Variants in GABARAP observed in about 807,000 individuals in gnomAD.
GABARAP encodes GABA type A receptor-associated protein, also known as gamma-aminobutyric acid receptor-associated protein.
GABARAP carries 5 observed loss-of-function variants against 16.7 expected under a neutral mutation model. The observed-to-expected ratio is 0.30, with a 90% confidence interval of 0.16 to 0.63. GABARAP has a LOEUF of 0.63. GABARAP is among the 20% of genes least tolerant of loss of function. GABARAP has a pLI of 0.82. For missense variants in GABARAP, 84 were observed against 146.6 expected (o/e 0.57, Z 2.21); for synonymous variants, 45 against 52.7 (o/e 0.85, Z 0.64).
intron 1 of GABARAP, chr17:7,241,911 AAT>A (rs1455260531): frequency 2.5e-5 from 6 of 238,214 alleles, no homozygotes; most frequent in Admixed American, 1.7e-4. Flanking sequence ...CAACTATCTT[AAT>A]CAGACGGAGG....
chr17:7,241,848 T>A, intron 1 of GABARAP, 169 bp from the exon 2 acceptor site: 1 of 618,666 alleles, frequency 1.6e-6, no homozygotes, highest in South Asian at 1.9e-5. Context: ...CCTCACTGAC[T>A]GGAGCTCATT....
At position 7,241,651 on chromosome 17, in the gene GABARAP, C is replaced by T. The variant is rs764135426; in HGVS notation, c.119G>A (p.Arg40Gln). The T allele has an allele frequency of 6.2e-7, 1 of 1,611,664 alleles. No homozygotes were observed. The highest frequency in any genetic ancestry group is 2.2e-5 in the East Asian group (1 of 44,878). ...PVIVEKAPKARIGDLDKKKYL... is the reference protein window; with the variant it reads ...PVIVEKAPKAQIGDLDKKKYL... ...TTTCTTTTTGTCCAGGTCTCCTATC[C>T]GAGCTTTGGGAGCCTTTTCTACTAT... The change falls in exon 2 of 4, where the codon CGG (arginine) becomes CAG (glutamine). Residue 40 changes from arginine (R) to glutamine (Q), a missense_variant. Physicochemically the swap from Arg to Gln is conservative, Grantham distance 43. Coordinates refer to ENST00000302386, the MANE Select transcript of GABARAP (RefSeq NM_007278.2).
chr17:7,241,264 G>A lies in GABARAP; in HGVS notation c.288+78C>T, dbSNP rs1040365144. On this transcript the variant is annotated intron_variant, in intron 3 of 3. Coordinates refer to ENST00000302386, the MANE Select transcript of GABARAP (RefSeq NM_007278.2). Reference sequence around the variant, plus strand: ...GCCAGGAAGCTAGTCCAAAACTACTGATGTAACAACACTTTCTTCCCCTCA... The same window carrying A: ...GCCAGGAAGCTAGTCCAAAACTACTAATGTAACAACACTTTCTTCCCCTCA... 3.3e-5 allele frequency: 27 copies of A among 816,964 alleles called. No individual in the cohort carries two copies. In the East Asian group the frequency reaches 5.6e-4, roughly 17 times the overall value. 50.6% of individuals were successfully genotyped at this position (816,964 alleles called of 1,614,324 possible).
chr17:7,242,374 A>G lies in GABARAP; in HGVS notation c.-44T>C, dbSNP rs2142997835. Reference sequence around the variant, plus strand: ...GGACAGGGCTGGGCTGAGGGAACCCAGGGGGGCCGGGACGGGGGGCGGCGA... The same window carrying G: ...GGACAGGGCTGGGCTGAGGGAACCCGGGGGGGCCGGGACGGGGGGCGGCGA... On this transcript the variant is annotated 5_prime_UTR_variant, in exon 1 of 4. Transcript: ENST00000302386. The G allele has an allele frequency of 1.6e-6, 2 of 1,274,100 alleles. No individual in the cohort carries two copies. The highest frequency in any genetic ancestry group is 1.1e-6 in the Non-Finnish European group (1 of 904,084). 78.9% of individuals were successfully genotyped at this position (1,274,100 alleles called of 1,614,324 possible). A position where few individuals can be genotyped will look rare whatever the true frequency, so the allele number is the denominator to read the frequency against.
At position 7,240,862 on chromosome 17, in the gene GABARAP, C is replaced by T. The variant is rs761312034; in HGVS notation, c.346G>A (p.Gly116Ser). 2.5e-6 allele frequency: 4 copies of T among 1,609,886 alleles called. No individual in the cohort carries two copies. The highest frequency in any genetic ancestry group is 2.6e-6 in the Non-Finnish European group (3 of 1,176,374). ...YIAYSDESVY[G>S]L The stretch of plus-strand genomic sequence containing the variant: ...GCTCAGGGGCAGCAGCTTCACAGAC[C>T]GTAGACACTTTCGTCACTGTAGGCA... Residue 116 changes from glycine (G) to serine (S), a missense_variant, in exon 4 of 4, where the codon GGT becomes AGT. Physicochemically the swap from Gly to Ser is moderately conservative, Grantham distance 56 (BLOSUM62 0). Transcript: ENST00000302386.
chr17:7,242,441 C>T lies in GABARAP; in HGVS notation c.-111G>A, dbSNP rs576090065. ...CGGGCGGATTCAGCGGAGCGATCCACGAATTTGCGCCACTTCCCTATTCAC... is the reference window on the plus strand; with the variant it reads ...CGGGCGGATTCAGCGGAGCGATCCATGAATTTGCGCCACTTCCCTATTCAC... On this transcript the variant is annotated 5_prime_UTR_variant, in exon 1 of 4. The change creates a new upstream start codon in the 5' untranslated region. Coordinates refer to ENST00000302386, the MANE Select transcript of GABARAP (RefSeq NM_007278.2). 248 of 792,888 alleles carry T rather than the reference C, an allele frequency of 3.1e-4. 1 individual carries two copies. In the African/African-American group the frequency reaches 3.7e-3, roughly 12 times the overall value. The allele number at this position is 792,888 out of a possible 1,614,324, so 49.1% of individuals were successfully genotyped here.
In GABARAP at chr17:7,242,388, G is replaced by C. The variant is rs147634798; in HGVS notation, c.-58C>G. The C allele has an allele frequency of 7.6e-6, 10 of 1,316,066 alleles. No homozygotes were observed. Among genetic ancestry groups the C allele is most frequent in the South Asian group, 1.2e-5 (1 of 83,620 alleles). The allele number at this position is 1,316,066 out of a possible 1,614,324, so 81.5% of individuals were successfully genotyped here. On this transcript the variant is annotated 5_prime_UTR_variant, in exon 1 of 4. Transcript: ENST00000302386. ...TGAGGGAACCCAGGGGGGCCGGGAC[G>C]GGGGGCGGCGACGACGGCGGCGACG...
rs2071786914 is a variant in GABARAP at position 7,242,382 on chromosome 17, C to T, written c.-52G>A. 2 of 1,285,818 alleles carry T rather than the reference C, an allele frequency of 1.6e-6. No individual in the cohort carries two copies. The highest frequency in any genetic ancestry group is 1.1e-6 in the Non-Finnish European group (1 of 905,900). 79.7% of individuals were successfully genotyped at this position (1,285,818 alleles called of 1,614,324 possible). On this transcript the variant is annotated 5_prime_UTR_variant, in exon 1 of 4. Transcript: ENST00000302386. ...CTGGGCTGAGGGAACCCAGGGGGGC[C>T]GGGACGGGGGGCGGCGACGACGGCG...
chr17:7,240,911 A>C lies in GABARAP; in HGVS notation c.297T>G (p.His99Gln). 1 of 1,611,942 alleles carries C rather than the reference A, an allele frequency of 6.2e-7. No individual in the cohort carries two copies. Among genetic ancestry groups the C allele is most frequent in the Non-Finnish European group, 8.5e-7 (1 of 1,178,114 alleles). ...CAATGTAGAGAAAGAAGTCTTCTTC[A>C]TGGTGTTCCTGGGATGAAAGCAGAA... ...ATMGQLYQEHHEEDFFLYIAY... is the reference protein window; with the variant it reads ...ATMGQLYQEHQEEDFFLYIAY... The change falls in exon 4 of 4, where the codon CAT becomes CAG. Residue 99 changes from histidine (H) to glutamine (Q), a missense_variant. By Grantham distance (24) the His-to-Gln change is conservative (BLOSUM62 0). Coordinates refer to ENST00000302386, the MANE Select transcript of GABARAP (RefSeq NM_007278.2).
chr17:7,242,031 G>GT, intron 1 of GABARAP: 1 of 600,426 alleles, frequency 1.7e-6, no homozygotes, highest in East Asian at 2.8e-5. Flanking sequence ...AAATGCTAAG[G>GT]TTTCTCTCTC....
intron 3 of GABARAP, 151 bp downstream of exon 3, chr17:7,241,191 G>GTGT (rs1375408112): frequency 2.8e-6 from 2 of 701,828 alleles, no homozygotes; most frequent in Non-Finnish European, 5.2e-6. Flanking sequence ...TACTCCTACT[G>GTGT]TTCTGTCCAA....
rs1327805734 is a variant in GABARAP at position 7,242,308 on chromosome 17, T to G, written c.23A>C (p.Glu8Ala). ...AGAGCGGCGCTTCTCGAACGGATGC[T>G]CTTCTTTGTACACGAACTTCATCCT... MKFVYKE[E>A]HPFEKRRSEG... The change falls in exon 1 of 4, where the codon GAG (glutamate) becomes GCG (alanine). Residue 8 changes from glutamate to alanine, a missense_variant. Transcript: ENST00000302386. The G allele has an allele frequency of 6.2e-7, 1 of 1,613,716 alleles. No individual in the cohort carries two copies. The highest frequency in any genetic ancestry group is 1.3e-5 in the African/African-American group (1 of 75,052).
At chr17:7,240,966 T>C (rs1422964963) in intron 3 of GABARAP, 47 bp from the exon 4 acceptor site, 1 of 1,266,174 alleles carries the variant, frequency 7.9e-7, no homozygotes, top group Non-Finnish European at 1.2e-6. Flanking sequence ...TCCAGTAACT[T>C]AAACCAACCA....
Position 7,240,844 on chromosome 17 carries a change from G to A in GABARAP, c.*10C>T, listed in dbSNP as rs1285438592. On this transcript the variant is annotated 3_prime_UTR_variant, in exon 4 of 4. Transcript: ENST00000302386. ...GAATGAGACCCCCCTCCAGCTCAGG[G>A]GCAGCAGCTTCACAGACCGTAGACA... 1.9e-6 allele frequency: 3 copies of A among 1,599,130 alleles called. No homozygotes were observed. The Admixed American group carries it at 5.0e-5, about 27-fold the overall frequency.
chr17:7,241,967 C>T (rs1241843400), intron 1 of GABARAP: 10 of 595,686 alleles, frequency 1.7e-5, no homozygotes, highest in Non-Finnish European at 2.4e-5. Flanking sequence ...GCAACCTTAG[C>T]TAGCTGGGGG....
rs986083987 is a variant in GABARAP, at chr17:7,242,182, G to A, written c.90+59C>T. The A allele has an allele frequency of 5.3e-6, 7 of 1,310,446 alleles. No homozygotes were observed. In the African/African-American group the frequency reaches 5.8e-5, roughly 11 times the overall value. 81.2% of individuals were successfully genotyped at this position (1,310,446 alleles called of 1,614,324 possible). A position where few individuals can be genotyped will look rare whatever the true frequency, so the allele number is the denominator to read the frequency against. On this transcript the variant is annotated intron_variant, in intron 1 of 3. Coordinates refer to ENST00000302386, the MANE Select transcript of GABARAP (RefSeq NM_007278.2). The stretch of plus-strand genomic sequence containing the variant: ...CCTGCGCTGCCTGTCCCGATCCAAG[G>A]CCAGGCTGTGGCGTCAGCGTAAGCG...
In GABARAP at chr17:7,241,688, G is replaced by C. The variant is rs751760989; in HGVS notation, c.91-9C>G. The C allele has an allele frequency of 2.5e-6, 4 of 1,569,584 alleles. No individual in the cohort carries two copies. In the African/African-American group the frequency reaches 4.0e-5, roughly 16 times the overall value. On this transcript the variant is annotated splice_polypyrimidine_tract_variant and intron_variant, in intron 1 of 3. Transcript: ENST00000302386. ...GCCTTTTCTACTATCACCTGATAAA[G>C]AGATGAAAATTAGGAGACAGAAGGA...
Position 7,241,479 on chromosome 17 carries a change from G to T in GABARAP, c.170-19C>A. 7.1e-7 allele frequency: 1 copy of T among 1,415,506 alleles called. No individual in the cohort carries two copies. The highest frequency in any genetic ancestry group is 1.0e-6 in the Non-Finnish European group (1 of 998,736). The allele number at this position is 1,415,506 out of a possible 1,614,324, so 87.7% of individuals were successfully genotyped here. The stretch of plus-strand genomic sequence containing the variant: ...TGACCAACTGCAAAAGATACAAGAT[G>T]CAAGAAAGTCACAGAGGTCAAAAAT... On this transcript the variant is annotated intron_variant, in intron 2 of 3. Transcript: ENST00000302386.
intron 1 of GABARAP, 40 bp from the exon 2 acceptor site, chr17:7,241,719 GCCC>G: frequency 8.3e-7 from 1 of 1,209,908 alleles, no homozygotes; most frequent in Non-Finnish European, 1.2e-6. Flanking sequence ...AAGGAATGCA[GCCC>G]CGAAGCTGCA....
Sources: allele counts gnomAD v4.1 joint callset, GRCh38; gene constraint gnomAD v4.1.1; transcripts MANE v1.5; gene names NCBI Gene and HGNC (gene_info 2026-07-23, HGNC 2026-07-21).